RAD54L2: variants seen among roughly 807,000 people sequenced by gnomAD.
RAD54L2 encodes the protein helicase ARIP4.
In RAD54L2, 27 loss-of-function variants were observed where a neutral mutation model predicts 138.4. The observed-to-expected ratio is 0.20, with a 90% CI of 0.14 to 0.27. The LOEUF (loss-of-function observed/expected upper bound fraction) is 0.27, where lower values mean the gene tolerates loss of function less well. Among genes scored for constraint, RAD54L2 ranks in the 10% least tolerant of loss-of-function variants. The probability of loss-of-function intolerance (pLI) is 1.00; values close to 1 mark genes in which losing one functional copy is unlikely to be tolerated. For synonymous variants in RAD54L2, 644 were observed against 723.2 expected, an observed-to-expected ratio of 0.89 and a Z score of 1.76; for missense variants, 1,396 against 1,890.2, an observed-to-expected ratio of 0.74 and a Z score of 4.85.
At chr3:51,648,556 T>A (rs571055909) in intron 19 of RAD54L2, among the ~76,000 whole-genome samples, 1 of 152,322 alleles carries the variant, frequency 6.6e-6, no homozygotes, top group South Asian at 2.1e-4. Context: ...AGGGGCCGAC[T>A]GACACCTCAT....
chr3:51,662,330 A>C lies in RAD54L2; in HGVS notation c.3410-96A>C. 8.7e-7 allele frequency: 1 copy of C among 1,151,204 alleles called. No homozygotes were observed. The highest frequency in any genetic ancestry group is 1.2e-6 in the Non-Finnish European group (1 of 844,374). 71.3% of individuals were successfully genotyped at this position (1,151,204 alleles called of 1,614,324 possible). A position where few individuals can be genotyped will look rare whatever the true frequency, so the allele number is the denominator to read the frequency against. ...ACATCAAACTATTAGAATTTTGGGG[A>C]CTACAGGACAGGATTTTTTTTAATG... On this transcript the variant is annotated intron_variant, in intron 22 of 22. Coordinates refer to ENST00000684192, the MANE Select transcript of RAD54L2 (RefSeq NM_015106.4). The surrounding 1 kb of genome is among the most constrained non-coding windows in gnomAD (Gnocchi z 4.6).
intron 2 of RAD54L2, among the ~76,000 whole-genome samples, chr3:51,576,645 A>G (rs1432381117): frequency 2.6e-5 from 4 of 151,994 alleles, no homozygotes; most frequent in African/African-American, 9.7e-5. Flanking sequence ...AGAGGTGTTT[A>G]TAGTATTCTC....
intron 2 of RAD54L2, among the ~76,000 whole-genome samples, chr3:51,565,250 G>A (rs1432663683): frequency 6.6e-6 from 1 of 152,126 alleles, no homozygotes; most frequent in Non-Finnish European, 1.5e-5. Flanking sequence ...TTGGTGTGGT[G>A]GCACATGCCT....
At chr3:51,628,967 C>T (rs953822250) in intron 4 of RAD54L2, among the ~76,000 whole-genome samples, 1 of 151,354 alleles carries the variant, frequency 6.6e-6, no homozygotes, top group Admixed American at 6.6e-5. Context: ...CCACCTGCCT[C>T]AGCCTCCCAA....
rs778730370 is a variant in RAD54L2, at chr3:51,633,960, C to A, written c.1067C>A (p.Ala356Asp). 6.2e-7 allele frequency: 1 copy of A among 1,613,876 alleles called. No individual in the cohort carries two copies. The highest frequency in any genetic ancestry group is 2.2e-5 in the East Asian group (1 of 44,886). The change falls in exon 9 of 23, where the codon GCC becomes GAC. Residue 356 changes from alanine (A) to aspartate (D), a missense_variant. Around this residue, in one of 7 missense-constraint regions of RAD54L2, gnomAD observed 169 missense variants for 235.6 expected, o/e 0.72. Coordinates refer to ENST00000684192, the MANE Select transcript of RAD54L2 (RefSeq NM_015106.4). ...AACATGTGGCTTCCACCTCCTGAAG[C>A]CCTCCCGGCTGACAACAAGCCTGAA... ...EFNMWLPPPEALPADNKPEEV... is the reference protein window; with the variant it reads ...EFNMWLPPPEDLPADNKPEEV...
At chr3:51,626,243 C>T (rs1700677747) in intron 3 of RAD54L2, among the ~76,000 whole-genome samples, 1 of 151,730 alleles carries the variant, frequency 6.6e-6, no homozygotes, top group Admixed American at 6.6e-5. Flanking sequence ...TGTGTAGTGC[C>T]TGTGTCTGGG....
chr3:51,640,125 G>T (rs1051990541), intron 14 of RAD54L2, 126 bp downstream of exon 14: 7 of 654,936 alleles, frequency 1.1e-5, no homozygotes, highest in African/African-American at 5.5e-5. Context: ...CTTGCATGTT[G>T]TCTGTCTCTT....
intron 19 of RAD54L2, among the ~76,000 whole-genome samples, chr3:51,647,669 C>CA (rs988848200): frequency 2.0e-5 from 3 of 151,386 alleles, no homozygotes; most frequent in Admixed American, 6.6e-5. Context: ...AACTCCGTCT[C>CA]AAAAAAAAAT....
rs1577404215 is a variant in RAD54L2 at position 51,585,462 on chromosome 3, G to T, written c.-54-4905G>T. On this transcript the variant is annotated intron_variant, in intron 2 of 22. Transcript: ENST00000684192. ...CTGGTCGTCTGCTTTGTGAACAAAG[G>T]CTTTGTTTGTGTGTGTGTTTCCTCT... Among the ~76,000 whole-genome samples, 2 of 152,220 alleles carry T rather than the reference G, an allele frequency of 1.3e-5. 1 individual carries two copies. The highest frequency in any genetic ancestry group is 2.9e-5 in the Non-Finnish European group (2 of 68,008).
intron 2 of RAD54L2, among the ~76,000 whole-genome samples, chr3:51,542,844 C>G (rs1457994664): frequency 1.3e-5 from 2 of 152,084 alleles, no homozygotes; most frequent in Non-Finnish European, 1.5e-5. Context: ...AAGGTTTTTT[C>G]CTGACAGTTT....
chr3:51,567,109 T>G (rs1238761853), intron 2 of RAD54L2, among the ~76,000 whole-genome samples: 1 of 152,170 alleles, frequency 6.6e-6, no homozygotes, highest in Non-Finnish European at 1.5e-5. Context: ...TTTTATTTGT[T>G]CCCCAAGATT....
chr3:51,591,759 A>G (rs1299357794), intron 3 of RAD54L2, among the ~76,000 whole-genome samples: 1 of 152,160 alleles, frequency 6.6e-6, no homozygotes, highest in Non-Finnish European at 1.5e-5. Flanking sequence ...AGGTGTCAGC[A>G]TCACTTTTTG....
chr3:51,647,774 A>G (rs1337720888), intron 19 of RAD54L2, among the ~76,000 whole-genome samples: 1 of 152,160 alleles, frequency 6.6e-6, no homozygotes, highest in African/African-American at 2.4e-5. Flanking sequence ...CAGCCTCCCA[A>G]AATGTTGTCA....
chr3:51,662,868 T>C lies in RAD54L2; in HGVS notation c.3852T>C (p.Tyr1284=). The C allele has an allele frequency of 1.2e-6, 2 of 1,613,754 alleles. No individual in the cohort carries two copies. The highest frequency in any genetic ancestry group is 1.7e-6 in the Non-Finnish European group (2 of 1,179,856). Reference sequence around the variant, plus strand: ...ATCTGCCAGCCCCCGTGCAGCCGTATGAACACGGGTATCCAGTCTCTGGCG... The same window carrying C: ...ATCTGCCAGCCCCCGTGCAGCCGTACGAACACGGGTATCCAGTCTCTGGCG... ...KGHLPAPVQP[Y]EHGYPVSGGF... is the part of the protein sequence containing the mutation. The change falls in exon 23 of 23, where the codon TAT becomes TAC. Residue 1284 remains tyrosine, a synonymous_variant. Transcript: ENST00000684192. This position sits in a 1 kb window ranked among gnomAD's most constrained non-coding sequence, Gnocchi z 4.6.
intron 3 of RAD54L2, among the ~76,000 whole-genome samples, chr3:51,602,286 T>C (rs1700097449): frequency 6.6e-6 from 1 of 152,228 alleles, no homozygotes; most frequent in African/African-American, 2.4e-5. Flanking sequence ...CTACTGACTA[T>C]CCACATCATG....
intron 2 of RAD54L2, among the ~76,000 whole-genome samples, chr3:51,562,319 C>T (rs1335559866): frequency 4.6e-5 from 7 of 152,062 alleles, no homozygotes; most frequent in African/African-American, 1.7e-4. Flanking sequence ...GCCACCTCCA[C>T]CTCCTGGGTT....
intron 3 of RAD54L2, among the ~76,000 whole-genome samples, chr3:51,612,981 C>T (rs1238349787): frequency 6.6e-6 from 1 of 151,986 alleles, no homozygotes; most frequent in Non-Finnish European, 1.5e-5. Flanking sequence ...GCTCTGTTGC[C>T]CGGGCTGGAG....
rs1701046778 is a variant in RAD54L2, at chr3:51,638,505, C to G, written c.1860+184C>G. 4.6e-6 allele frequency: 3 copies of G among 649,464 alleles called. No individual in the cohort carries two copies. The highest frequency in any genetic ancestry group is 5.2e-6 in the Non-Finnish European group (2 of 386,698). The allele number at this position is 649,464 out of a possible 1,614,324, so 40.2% of individuals were successfully genotyped here. A position where few individuals can be genotyped will look rare whatever the true frequency, so the allele number is the denominator to read the frequency against. On this transcript the variant is annotated intron_variant, in intron 12 of 22. Coordinates refer to ENST00000684192, the MANE Select transcript of RAD54L2 (RefSeq NM_015106.4). The surrounding 1 kb of genome is among the most constrained non-coding windows in gnomAD (Gnocchi z 4.3). ...GTGATGGTTTTGTACCACATAACTC[C>G]TGGGGGTGCCATTCACACAGTGTAA...
Position 51,662,827 on chromosome 3 carries a change from C to T in RAD54L2, c.3811C>T (p.Arg1271Trp), listed in dbSNP as rs765437099. 3.3e-5 allele frequency: 54 copies of T among 1,611,978 alleles called. No homozygotes were observed. The highest frequency in any genetic ancestry group is 2.3e-4 in the African/African-American group (17 of 74,882). ...PPAAQESSRRRSRKGHLPAPV... is the reference protein window; with the variant it reads ...PPAAQESSRRWSRKGHLPAPV... ...TGCTGCCCAGGAGTCATCCCGCCGG[C>T]GGTCCAGGAAGGGTCATCTGCCAGC... The change falls in exon 23 of 23, where the codon CGG becomes TGG. Residue 1271 changes from arginine to tryptophan, a missense_variant. Physicochemically the swap from Arg to Trp is moderately radical, Grantham distance 101. Coordinates refer to ENST00000684192, the MANE Select transcript of RAD54L2 (RefSeq NM_015106.4). This position sits in a 1 kb window ranked among gnomAD's most constrained non-coding sequence, Gnocchi z 4.6.
Sources: allele counts gnomAD v4.1 joint callset (sites outside exome capture counted in the v4.1 genomes callset), GRCh38; gene constraint gnomAD v4.1.1; regional missense constraint gnomAD v4.1.1; non-coding constraint Gnocchi (gnomAD v3.1); transcripts MANE v1.5; gene names NCBI Gene and HGNC (gene_info 2026-07-23, HGNC 2026-07-21).